The following PEX7 variants were observed in gnomAD, a reference collection of about 807,000 sequenced individuals.
PEX7 encodes the protein peroxisomal biogenesis factor 7.
PEX7 carries 34 observed loss-of-function variants against 47.5 expected under a neutral mutation model. The ratio of observed to expected loss-of-function variants is 0.72; its 90% CI spans 0.54 to 0.95. The LOEUF is 0.95. Ranked by LOEUF, PEX7 falls within the 40% of genes least tolerant of loss-of-function variation. PEX7 has a pLI of 0.00. For synonymous variants in PEX7, 141 were observed against 148.8 expected (o/e 0.95, Z 0.38); for missense variants, 394 against 400.3 (o/e 0.98, Z 0.13).
intron 8 of PEX7, among the ~76,000 whole-genome samples, chr6:136,873,149 T>C (rs1183593811): frequency 6.6e-6 from 1 of 152,150 alleles, no homozygotes; most frequent in Non-Finnish European, 1.5e-5. Context: ...AGTCAAGATG[T>C]ACATAAAGAT....
At chr6:136,862,036 A>G (rs949459513) in intron 5 of PEX7, among the ~76,000 whole-genome samples, 26 of 130,652 alleles carry the variant, frequency 2.0e-4, no homozygotes, top group Admixed American at 1.8e-3. Context: ...TATATATTTT[A>G]TATATATTAT....
chr6:136,898,063 T>C, intron 8 of PEX7, 79 bp from the exon 9 acceptor site: 1 of 851,064 alleles, frequency 1.2e-6, no homozygotes, highest in East Asian at 2.6e-5. Context: ...CTTTGCTATG[T>C]CAAATATCTA....
intron 3 of PEX7, among the ~76,000 whole-genome samples, chr6:136,837,633 CATTT>C (rs1441828443): frequency 6.6e-6 from 1 of 152,094 alleles, no homozygotes; most frequent in Non-Finnish European, 1.5e-5. Flanking sequence ...TTGGAGAAGT[CATTT>C]ATTCCAGAGC....
chr6:136,826,303 T>A lies in PEX7; in HGVS notation c.189-16T>A. 1.2e-6 allele frequency: 2 copies of A among 1,613,768 alleles called. No individual in the cohort carries two copies. Among genetic ancestry groups the A allele is most frequent in the African/African-American group, 1.3e-5 (1 of 75,036 alleles). On this transcript the variant is annotated splice_polypyrimidine_tract_variant and intron_variant, in intron 2 of 9. Transcript: ENST00000318471. The stretch of plus-strand genomic sequence containing the variant: ...AAGTGTTGTATTTTTTTGTTGTTTG[T>A]TTTTTCCTAGTGTAGCTTTGACTGG...
intron 3 of PEX7, among the ~76,000 whole-genome samples, chr6:136,841,906 T>TAA (rs751894251): frequency 1.4e-5 from 2 of 144,278 alleles, no homozygotes; most frequent in African/African-American, 2.5e-5. Flanking sequence ...TTTTTTAAAT[T>TAA]AAAAAAAAAA....
chr6:136,884,168 T>A (rs889093913), intron 8 of PEX7, among the ~76,000 whole-genome samples: 1 of 152,198 alleles, frequency 6.6e-6, no homozygotes, highest in African/African-American at 2.4e-5. Flanking sequence ...AGAATAAGAC[T>A]TTAATCGTTC....
chr6:136,829,351 C>T (rs931455847), intron 3 of PEX7, among the ~76,000 whole-genome samples: 1 of 152,156 alleles, frequency 6.6e-6, no homozygotes, highest in Non-Finnish European at 1.5e-5. Context: ...AGGTCAAAGA[C>T]TACTGCTGTC....
chr6:136,863,182 G>A (rs970667658), intron 5 of PEX7, among the ~76,000 whole-genome samples: 2 of 152,058 alleles, frequency 1.3e-5, no homozygotes, highest in Non-Finnish European at 2.9e-5. Flanking sequence ...TCACTAGTGG[G>A]TCCTGAATTT....
At chr6:136,881,335 G>C (rs943947294) in intron 8 of PEX7, among the ~76,000 whole-genome samples, 7 of 152,178 alleles carry the variant, frequency 4.6e-5, no homozygotes, top group Non-Finnish European at 8.8e-5. Context: ...GCAGTATGAA[G>C]AGAGAACTTG....
In PEX7 at chr6:136,822,764, C is replaced by A; in HGVS notation, c.99C>A (p.Ala33=). Residue 33 remains alanine (A), a synonymous_variant, in exon 1 of 10, where the codon GCC becomes GCA. Coordinates refer to ENST00000318471, the MANE Select transcript of PEX7 (RefSeq NM_000288.4). ...EFSPYLPGRL[A]CATAQHYGIA... ...CCCCGTACCTGCCGGGCCGCCTGGC[C>A]TGCGCCACCGCGCAGCACTACGGCA... 1 of 1,471,700 alleles carries A rather than the reference C, an allele frequency of 6.8e-7. No individual in the cohort carries two copies. Among genetic ancestry groups the A allele is most frequent in the Non-Finnish European group, 8.9e-7 (1 of 1,118,110 alleles). 91.2% of individuals were successfully genotyped at this position (1,471,700 alleles called of 1,614,324 possible). A position where few individuals can be genotyped will look rare whatever the true frequency, so the allele number is the denominator to read the frequency against.
intron 3 of PEX7, among the ~76,000 whole-genome samples, chr6:136,834,496 C>T (rs1005949997): frequency 2.0e-5 from 3 of 152,224 alleles, no homozygotes; most frequent in Non-Finnish European, 4.4e-5. Flanking sequence ...GGATTATAGG[C>T]ATGAGCCACC....
rs1003273147 is a variant in PEX7, at chr6:136,845,159, C to A, written c.340-456C>A. ...TAACTAAAACTGTTTACCAAGAGAT[C>A]TGGAAGGATCACCTGGTTCCTGCAA... On this transcript the variant is annotated intron_variant, in intron 3 of 9. Transcript: ENST00000318471. Among the ~76,000 whole-genome samples, 3 of 152,166 alleles carry A rather than the reference C, an allele frequency of 2.0e-5. 1 individual carries two copies. Among genetic ancestry groups the A allele is most frequent in the Admixed American group, 2.0e-4 (3 of 15,274 alleles).
chr6:136,830,465 A>G (rs1323763043), intron 3 of PEX7, among the ~76,000 whole-genome samples: 1 of 152,182 alleles, frequency 6.6e-6, no homozygotes, highest in Non-Finnish European at 1.5e-5. Flanking sequence ...AGAAAGAAAA[A>G]CATGGACATT....
chr6:136,875,893 T>C (rs977523585), intron 8 of PEX7, among the ~76,000 whole-genome samples: 1 of 152,182 alleles, frequency 6.6e-6, no homozygotes, highest in Non-Finnish European at 1.5e-5. Context: ...AGAATATCCT[T>C]CTTTGTCACA....
At position 136,900,790 on chromosome 6, in the gene PEX7, T is replaced by A. The variant is rs546250443; in HGVS notation, c.903+2549T>A. The A allele has an allele frequency of 5.2e-5, 17 of 329,370 alleles. No individual in the cohort carries two copies. The highest frequency in any genetic ancestry group is 7.0e-5 in the Non-Finnish European group (12 of 172,440). The allele number at this position is 329,370 out of a possible 1,614,324, so 20.4% of individuals were successfully genotyped here. ...GACAGGTGGTCTCTTAGTGGGGACA[T>A]CCCCTTTGCCAACAGCTTTCTTCTC... On this transcript the variant is annotated intron_variant, in intron 9 of 9. Transcript: ENST00000318471. This position sits in a 1 kb window ranked among gnomAD's most constrained non-coding sequence, Gnocchi z 4.2.
chr6:136,906,967 T>C (rs1775855780), intron 9 of PEX7, among the ~76,000 whole-genome samples: 1 of 152,182 alleles, frequency 6.6e-6, no homozygotes, highest in Non-Finnish European at 1.5e-5. Context: ...TAATCCGTTT[T>C]CCTTTTTAAT....
chr6:136,902,199 CTT>C (rs1277163653), intron 9 of PEX7, among the ~76,000 whole-genome samples: 1 of 152,158 alleles, frequency 6.6e-6, no homozygotes, highest in Non-Finnish European at 1.5e-5. Context: ...TAGAAAGTAT[CTT>C]TCTCTCACCT....
At chr6:136,905,741 A>T (rs1252826861) in intron 9 of PEX7, among the ~76,000 whole-genome samples, 1 of 152,160 alleles carries the variant, frequency 6.6e-6, no homozygotes, top group South Asian at 2.1e-4. Context: ...AAGCTGTTGT[A>T]TAATTCTATG....
At chr6:136,881,786 T>A (rs945966696) in intron 8 of PEX7, among the ~76,000 whole-genome samples, 2 of 152,156 alleles carry the variant, frequency 1.3e-5, no homozygotes, top group Non-Finnish European at 2.9e-5. Flanking sequence ...TCAGTCTTAC[T>A]TTTCTCTCCA....
Sources: allele counts gnomAD v4.1 joint callset (sites outside exome capture counted in the v4.1 genomes callset), GRCh38; gene constraint gnomAD v4.1.1; non-coding constraint Gnocchi (gnomAD v3.1); transcripts MANE v1.5; gene names NCBI Gene and HGNC (gene_info 2026-07-23, HGNC 2026-07-21).